KRT8: variants seen among roughly 807,000 people sequenced by gnomAD.
KRT8 encodes keratin, type II cytoskeletal 8.
A neutral mutation model predicts 43.0 loss-of-function variants in KRT8; 24 were observed. That is an observed-to-expected ratio of 0.56 (90% CI 0.40 to 0.78). The LOEUF (loss-of-function observed/expected upper bound fraction) is 0.78. Among genes scored for constraint, KRT8 ranks in the 30% least tolerant of loss-of-function variants. KRT8 has a pLI of 0.00. For missense variants in KRT8, 492 were observed against 638.4 expected, an observed-to-expected ratio of 0.77 and a Z score of 2.47; for synonymous variants, 214 against 261.2, an observed-to-expected ratio of 0.82 and a Z score of 1.74.
rs143683098 is a variant in KRT8 at position 52,917,944 on chromosome 12, A to T, written c.-46-12917T>A. On this transcript the variant is annotated intron_variant, in intron 2 of 6. Coordinates refer to the KRT8 transcript ENST00000546826. ...GAAGAAGGAGAAGGAGAAGAGGAAG[A>T]AGAGGAAGAGGAAGAAGAAGAAGAG... 2.8e-3 allele frequency among the ~76,000 whole-genome samples: 419 copies of T among 148,816 alleles called. 4 individuals carry two copies. Among genetic ancestry groups the T allele is most frequent in the African/African-American group, 7.6e-3 (306 of 40,242 alleles).
rs1941274517 is a variant in KRT8 at position 52,898,538 on chromosome 12, G to A, written c.1203-19C>T. On this transcript the variant is annotated intron_variant, in intron 6 of 7. Transcript: ENST00000692008. Reference sequence around the variant, plus strand: ...CTCCAGCCTGTACCCAGACAAATGGGGTGTCAGGACCAACTCCTAGCCCTT... The same window carrying A: ...CTCCAGCCTGTACCCAGACAAATGGAGTGTCAGGACCAACTCCTAGCCCTT... 6.2e-7 allele frequency: 1 copy of A among 1,613,936 alleles called. No individual in the cohort carries two copies. The highest frequency in any genetic ancestry group is 2.2e-5 in the East Asian group (1 of 44,860).
intron 2 of KRT8, among the ~76,000 whole-genome samples, chr12:52,925,707 G>A (rs764040535): frequency 6.6e-6 from 1 of 152,174 alleles, no homozygotes; most frequent in Non-Finnish European, 1.5e-5. Context: ...TGGGCTCCAG[G>A]GCTGGGCAAT....
rs549403480 is a variant in KRT8, at chr12:52,924,397, T to C, written c.-46-19370A>G. 5.9e-3 allele frequency among the ~76,000 whole-genome samples: 886 copies of C among 149,018 alleles called. 7 individuals carry two copies. Among genetic ancestry groups the C allele is most frequent in the African/African-American group, 0.021 (833 of 40,248 alleles). On this transcript the variant is annotated intron_variant, in intron 2 of 6. Transcript: ENST00000546826. The stretch of plus-strand genomic sequence containing the variant: ...CCGGGAGGCGGAGCTTGCAGTGAGC[T>C]GAGATTGCGCCACTGCACTCCAGCC...
chr12:52,898,884 C>G (rs770608691), exon 6 of KRT8: 2 of 1,613,542 alleles, frequency 1.2e-6, no homozygotes, highest in Non-Finnish European at 1.7e-6. Flanking sequence ...GCAATGGCGG[C>G]CTCCAGGGAA....
At chr12:52,901,203 T>C (rs766725051) in exon 3 of KRT8, 8 of 1,611,804 alleles carry the variant, frequency 5.0e-6, no homozygotes, top group Non-Finnish European at 6.8e-6. Flanking sequence ...GTACGCTTAT[T>C]GATCTCATCC....
chr12:52,916,670 T>G (rs1374730859), intron 2 of KRT8, among the ~76,000 whole-genome samples: 2 of 152,148 alleles, frequency 1.3e-5, no homozygotes, highest in Non-Finnish European at 2.9e-5. Flanking sequence ...ACTTGCCTCC[T>G]TAGCTTGGTT....
chr12:52,945,835 G>A (rs1292001480), intron 2 of KRT8, among the ~76,000 whole-genome samples: 6 of 151,900 alleles, frequency 3.9e-5, no homozygotes, highest in Admixed American at 6.6e-5. Context: ...ACCCTTTCCC[G>A]GGACTGTCCT....
In KRT8 at chr12:52,901,998, T is replaced by TCGAGC. The variant is rs1037256864; in HGVS notation, c.394_398dup (p.Ser134LeufsTer28). 6.2e-7 allele frequency: 1 copy of TCGAGC among 1,603,318 alleles called. No homozygotes were observed. Among genetic ancestry groups the TCGAGC allele is most frequent in the African/African-American group, 1.3e-5 (1 of 74,864 alleles). On this transcript the variant is annotated frameshift_variant, in exon 2 of 8. Transcript: ENST00000692008. LOFTEE classifies it high-confidence loss of function. ...TCTCGAACATGTTGTCCATGTTGCT[T>TCGAGC]CGAGCCGTCTTCTGCTGCTGCAGGA...
At chr12:52,949,112 G>T in intron 2 of KRT8, 3 of 1,365,608 alleles carry the variant, frequency 2.2e-6, no homozygotes, top group South Asian at 1.2e-5. Context: ...CGCGCGGCTC[G>T]CGCAGGCCGC....
At chr12:52,938,171 T>TATATATATA (rs1350561374) in intron 2 of KRT8, among the ~76,000 whole-genome samples, 57 of 29,690 alleles carry the variant, frequency 1.9e-3, no homozygotes, top group Middle Eastern at 0.013. Context: ...TATATATATA[T>TATATATATA]TTTTTTTTTT....
intron 2 of KRT8, among the ~76,000 whole-genome samples, chr12:52,917,813 T>C (rs1340451001): frequency 1.3e-5 from 2 of 150,660 alleles, no homozygotes; most frequent in African/African-American, 2.4e-5. Context: ...CTGGGAGGCA[T>C]AGGTTGCAGT....
chr12:52,900,096 C>T, intron 4 of KRT8, 31 bp from the exon 5 acceptor site: 1 of 1,610,126 alleles, frequency 6.2e-7, no homozygotes, highest in South Asian at 1.1e-5. Context: ...TGGTGAGGCC[C>T]TGTCTCTGCA....
intron 7 of KRT8, 72 bp downstream of exon 7, chr12:52,898,389 G>T: frequency 7.6e-7 from 1 of 1,321,742 alleles, no homozygotes; most frequent in Non-Finnish European, 1.1e-6. Context: ...ACTGAGCACA[G>T]CCCCCTCCCT....
chr12:52,904,901 A>G (rs763282273), exon 1 of KRT8: 3 of 1,612,562 alleles, frequency 1.9e-6, no homozygotes, highest in Non-Finnish European at 2.5e-6. Flanking sequence ...AACCGGGCCC[A>G]CTCGTGTAGG....
rs117982903 is a variant in KRT8 at position 52,923,411 on chromosome 12, T to A, written c.-46-18384A>T. 1.0e-2 allele frequency among the ~76,000 whole-genome samples: 1,516 copies of A among 152,084 alleles called. 11 individuals are homozygous for A. Among genetic ancestry groups the A allele is most frequent in the Non-Finnish European group, 0.014 (967 of 67,996 alleles). On this transcript the variant is annotated intron_variant, in intron 2 of 6. Coordinates refer to the KRT8 transcript ENST00000546826. Reference sequence around the variant, plus strand: ...GGGGCAGGACCATTTATTCCTAAATTGTTTTGTTTTGTTTTGTTTTGTTTT... The same window carrying A: ...GGGGCAGGACCATTTATTCCTAAATAGTTTTGTTTTGTTTTGTTTTGTTTT...
intron 2 of KRT8, among the ~76,000 whole-genome samples, chr12:52,919,020 A>G (rs1028638657): frequency 6.6e-6 from 1 of 152,076 alleles, no homozygotes; most frequent in Non-Finnish European, 1.5e-5. Context: ...GGAGGTGGCA[A>G]TTGGGTCTAT....
intron 2 of KRT8, among the ~76,000 whole-genome samples, chr12:52,929,685 T>C (rs1252584187): frequency 6.6e-5 from 10 of 152,188 alleles, no homozygotes; most frequent in Non-Finnish European, 1.3e-4. Flanking sequence ...CAGAGATTGC[T>C]AGCATCTCCC....
chr12:52,918,238 G>A (rs1193128743), intron 2 of KRT8, among the ~76,000 whole-genome samples: 1 of 151,380 alleles, frequency 6.6e-6, no homozygotes, highest in Admixed American at 6.6e-5. Flanking sequence ...AGAAGAAGAA[G>A]AAGAAGAAGA....
chr12:52,912,820 C>T (rs759561803), intron 2 of KRT8, among the ~76,000 whole-genome samples: 2 of 152,178 alleles, frequency 1.3e-5, no homozygotes, highest in Non-Finnish European at 2.9e-5. Context: ...CAGGTGTGGT[C>T]AGGCCAGGGG....
Sources: gnomAD v4.1 joint callset for allele counts (sites outside exome capture counted in the v4.1 genomes callset) on GRCh38, gnomAD v4.1.1 for gene constraint, MANE v1.5 for transcripts, NCBI Gene and HGNC (gene_info 2026-07-23, HGNC 2026-07-21) for gene names.